Variants in AGBL4 observed in about 807,000 individuals in gnomAD.
AGBL4 encodes the protein cytosolic carboxypeptidase 6.
AGBL4 carries 58 observed loss-of-function variants against 66.4 expected under a neutral mutation model. The ratio of observed to expected loss-of-function variants is 0.87; its 90% CI spans 0.71 to 1.09. The LOEUF is 1.09. AGBL4 is among the 50% of genes least tolerant of loss of function. The probability of loss-of-function intolerance (pLI) is 0.00; values close to 1 mark genes in which losing one functional copy is unlikely to be tolerated. For missense variants in AGBL4, 579 were observed against 631.0 expected, an observed-to-expected ratio of 0.92 and a Z score of 0.88; for synonymous variants, 234 against 222.9, an observed-to-expected ratio of 1.05 and a Z score of -0.44.
At chr1:49,086,591 C>A (rs1644911388) in intron 4 of AGBL4, among the ~76,000 whole-genome samples, 1 of 152,006 alleles carries the variant, frequency 6.6e-6, no homozygotes, top group Non-Finnish European at 1.5e-5. Context: ...GAGCTTCCAC[C>A]CAAGCAGTCC....
intron 2 of AGBL4, among the ~76,000 whole-genome samples, chr1:49,721,326 G>C (rs1648591089): frequency 6.6e-6 from 1 of 152,138 alleles, no homozygotes; most frequent in Admixed American, 6.5e-5. Context: ...AATAAATCTT[G>C]CTGCTGCTCA....
At chr1:48,591,023 T>C (rs7543402) in intron 9 of AGBL4, 38 bp from the exon 10 acceptor site, 596,952 of 1,565,384 alleles carry the variant, frequency 0.38, 118,386 homozygotes, top group South Asian at 0.53. Flanking sequence ...AAGTCTGGGC[T>C]GTAGAGCTTG....
At chr1:48,858,729 T>C (rs879380824) in intron 6 of AGBL4, among the ~76,000 whole-genome samples, 1 of 152,192 alleles carries the variant, frequency 6.6e-6, no homozygotes, top group Non-Finnish European at 1.5e-5. Context: ...TTTGGGGTGA[T>C]GGCAGTGTTC....
At chr1:49,472,584 C>T (rs1646766667) in intron 3 of AGBL4, among the ~76,000 whole-genome samples, 1 of 151,990 alleles carries the variant, frequency 6.6e-6, no homozygotes, top group African/African-American at 2.4e-5. Context: ...TTCCACTTCT[C>T]AGTATATACT....
At chr1:49,611,138 G>T (rs1448170115) in intron 3 of AGBL4, among the ~76,000 whole-genome samples, 10 of 152,014 alleles carry the variant, frequency 6.6e-5, no homozygotes, top group African/African-American at 1.4e-4. Flanking sequence ...TAAGAGAAAA[G>T]AAATAAAAAT....
chr1:48,842,953 G>A (rs904936438), intron 6 of AGBL4, among the ~76,000 whole-genome samples: 1 of 152,082 alleles, frequency 6.6e-6, no homozygotes, highest in African/African-American at 2.4e-5. Flanking sequence ...CCACTCACAT[G>A]AGATATTTAC....
At chr1:49,020,841 C>A (rs1212719930) in intron 5 of AGBL4, among the ~76,000 whole-genome samples, 1 of 152,160 alleles carries the variant, frequency 6.6e-6, no homozygotes, top group East Asian at 1.9e-4. Context: ...GGCCCATAGC[C>A]TTGTTTAATG....
intron 7 of AGBL4, among the ~76,000 whole-genome samples, chr1:48,653,769 G>GT (rs1645972719): frequency 6.6e-6 from 1 of 152,120 alleles, no homozygotes; most frequent in Non-Finnish European, 1.5e-5. Context: ...AGCCCACCTA[G>GT]TTTCATCACA....
At chr1:48,994,243 T>C (rs1571184052) in intron 5 of AGBL4, among the ~76,000 whole-genome samples, 1 of 152,326 alleles carries the variant, frequency 6.6e-6, no homozygotes, top group Admixed American at 6.5e-5. Context: ...CACTCCCTAA[T>C]TGACATTTCT....
rs753456 is a variant in AGBL4 at position 48,721,499 on chromosome 1, G to A, written c.635-58258C>T. ...AAGGCCGGTGGGGTCCAGTGTGACT[G>A]TTGGCAATACGGGCTCACTAAGGAT... On this transcript the variant is annotated intron_variant, in intron 6 of 13. Coordinates refer to ENST00000371839, the MANE Select transcript of AGBL4 (RefSeq NM_032785.4). Among the ~76,000 whole-genome samples the A allele has an allele frequency of 2.1e-3, 320 of 152,350 alleles. 10 individuals carry two copies. The East Asian group carries it at 0.053, about 25-fold the overall frequency.
intron 3 of AGBL4, among the ~76,000 whole-genome samples, chr1:49,669,787 T>C (rs913102535): frequency 6.6e-6 from 1 of 151,478 alleles, no homozygotes; most frequent in African/African-American, 2.4e-5. Context: ...GTAAACAGAG[T>C]TTCAAAAAAA....
At chr1:49,062,566 G>T (rs1008271761) in intron 4 of AGBL4, among the ~76,000 whole-genome samples, 37 of 152,168 alleles carry the variant, frequency 2.4e-4, no homozygotes, top group African/African-American at 8.4e-4. Context: ...AGAAGCAACA[G>T]ATACAGTTGA....
intron 4 of AGBL4, among the ~76,000 whole-genome samples, chr1:49,049,569 T>G (rs1644162877): frequency 6.6e-6 from 1 of 152,062 alleles, no homozygotes; most frequent in South Asian, 2.1e-4. Context: ...TACTTATTTA[T>G]GTAAAAAGCA....
intron 6 of AGBL4, among the ~76,000 whole-genome samples, chr1:48,833,392 A>C (rs944638024): frequency 8.5e-5 from 13 of 152,210 alleles, no homozygotes; most frequent in African/African-American, 3.1e-4. Flanking sequence ...ATGAAATTGG[A>C]TATTTAGCTG....
intron 4 of AGBL4, among the ~76,000 whole-genome samples, chr1:49,170,191 TATAA>T (rs1343384356): frequency 2.0e-5 from 3 of 147,408 alleles, no homozygotes; most frequent in Non-Finnish European, 4.5e-5. Context: ...TTTATATTCA[TATAA>T]ATATGTTATA....
In AGBL4 at chr1:48,636,795, C is replaced by A. The variant is rs1570089207; in HGVS notation, c.840-2191G>T. Among the ~76,000 whole-genome samples, 3 of 152,304 alleles carry A rather than the reference C, an allele frequency of 2.0e-5. No individual in the cohort carries two copies. The South Asian group carries it at 6.2e-4, about 32-fold the overall frequency. On this transcript the variant is annotated intron_variant, in intron 8 of 13. Transcript: ENST00000371839. ...GCATATGGTGGAGCAGGCTTCAAAC[C>A]CAGGACTATCCAGCTTTAATATCTA...
intron 2 of AGBL4, among the ~76,000 whole-genome samples, chr1:49,843,803 A>C (rs755115688): frequency 6.6e-5 from 10 of 152,034 alleles, no homozygotes; most frequent in Non-Finnish European, 1.3e-4. Flanking sequence ...GAAGTATAAC[A>C]ATATGGGGAA....
intron 3 of AGBL4, among the ~76,000 whole-genome samples, chr1:49,445,311 A>T (rs1005789393): frequency 3.3e-5 from 5 of 152,094 alleles, no homozygotes; most frequent in Non-Finnish European, 5.9e-5. Flanking sequence ...GTCTGACTCC[A>T]TCTTGAAGAA....
intron 5 of AGBL4, among the ~76,000 whole-genome samples, chr1:49,007,763 T>C (rs987037231): frequency 2.0e-5 from 3 of 151,684 alleles, no homozygotes; most frequent in Non-Finnish European, 2.9e-5. Context: ...CAGAATTTCA[T>C]ATCCAGCCAA....
Sources: gnomAD v4.1 joint callset for allele counts (sites outside exome capture counted in the v4.1 genomes callset) on GRCh38, gnomAD v4.1.1 for gene constraint, MANE v1.5 for transcripts, NCBI Gene and HGNC (gene_info 2026-07-23, HGNC 2026-07-21) for gene names.